Variants in CECR2 observed in about 807,000 individuals in gnomAD.
CECR2 encodes CECR2 histone acetyl-lysine reader, also known as chromatin remodeling regulator CECR2.
Under a neutral mutation model 154.5 loss-of-function variants are expected in CECR2, and 30 were observed. The observed-to-expected ratio is 0.19, with a 90% CI of 0.15 to 0.26. The LOEUF (loss-of-function observed/expected upper bound fraction) is 0.26. Ranked by LOEUF, CECR2 falls within the 10% of genes least tolerant of loss-of-function variation. The pLI, the probability that CECR2 is intolerant of heterozygous loss-of-function variation, is 1.00. For missense variants in CECR2, 1,743 were observed against 1,829.3 expected, an observed-to-expected ratio of 0.95 and a Z score of 0.86; for synonymous variants, 725 against 683.7, an observed-to-expected ratio of 1.06 and a Z score of -0.94.
chr22:17,483,461 TTAAAA>T (rs903478722), intron 2 of CECR2, among the ~76,000 whole-genome samples: 1 of 151,976 alleles, frequency 6.6e-6, no homozygotes, highest in African/African-American at 2.4e-5. Flanking sequence ...ACTAAAAAAA[TTAAAA>T]TAATTATCTG....
chr22:17,532,969 G>A (rs947183274), intron 9 of CECR2, among the ~76,000 whole-genome samples: 2 of 151,042 alleles, frequency 1.3e-5, no homozygotes, highest in African/African-American at 4.9e-5. Context: ...GATCCACTGC[G>A]CCTAGCCGCT....
At chr22:17,426,475 G>C (rs947260592) in intron 1 of CECR2, among the ~76,000 whole-genome samples, 1 of 152,060 alleles carries the variant, frequency 6.6e-6, no homozygotes, top group Non-Finnish European at 1.5e-5. Flanking sequence ...TCCTGCTTCA[G>C]CCTCCCAAGT....
At chr22:17,416,844 G>A (rs1479365958) in intron 1 of CECR2, among the ~76,000 whole-genome samples, 1 of 152,032 alleles carries the variant, frequency 6.6e-6, no homozygotes. Flanking sequence ...TTCCAATTTG[G>A]AACCTTAGAT....
chr22:17,545,422 C>T (rs1264548687), intron 16 of CECR2, among the ~76,000 whole-genome samples: 1 of 112,814 alleles, frequency 8.9e-6, no homozygotes, highest in Non-Finnish European at 1.9e-5. Context: ...GAGGAATAAA[C>T]ATTAAACTAG....
rs1212908408 is a variant in CECR2, at chr22:17,555,952, G to A, written c.*3112G>A. The stretch of plus-strand genomic sequence containing the variant: ...CCCTAAGGCCCAAGAGAAAAGATGA[G>A]CTTCTTGGGAGGATTCTGGGTTTGT... On this transcript the variant is annotated 3_prime_UTR_variant, in exon 19 of 19. Coordinates refer to ENST00000262608, the MANE Select transcript of CECR2 (RefSeq NM_001290047.2). 1 of 152,142 alleles carries A rather than the reference G, an allele frequency of 6.6e-6. No homozygotes were observed. The highest frequency in any genetic ancestry group is 1.9e-4 in the East Asian group (1 of 5,190). The allele number at this position is 152,142 out of a possible 1,614,324, so 9.4% of individuals were successfully genotyped here.
intron 1 of CECR2, among the ~76,000 whole-genome samples, chr22:17,452,339 G>C (rs1379586717): frequency 6.6e-6 from 1 of 152,226 alleles, no homozygotes; most frequent in East Asian, 1.9e-4. Context: ...CTCCCAAAGT[G>C]CTGGGATTAC....
At chr22:17,485,692 G>A (rs2055408811) in intron 2 of CECR2, among the ~76,000 whole-genome samples, 1 of 152,130 alleles carries the variant, frequency 6.6e-6, no homozygotes. Context: ...GAGAATCAGT[G>A]GAGCCCAGGA....
At chr22:17,419,628 T>C (rs189801799) in intron 1 of CECR2, 181 of 332,200 alleles carry the variant, frequency 5.4e-4, no homozygotes, top group African/African-American at 3.4e-3. Context: ...ATTATGATGA[T>C]TCCGCAGTTA....
chr22:17,531,051 C>T (rs2056347179), intron 9 of CECR2, among the ~76,000 whole-genome samples: 1 of 152,126 alleles, frequency 6.6e-6, no homozygotes, highest in African/African-American at 2.4e-5. Context: ...GGTGATATGT[C>T]TGGGTAACTA....
At chr22:17,430,704 C>T (rs576474193) in intron 1 of CECR2, among the ~76,000 whole-genome samples, 2 of 152,138 alleles carry the variant, frequency 1.3e-5, no homozygotes, top group Admixed American at 1.3e-4. Context: ...TTTGAAAACA[C>T]TCACTGGGGA....
intron 7 of CECR2, among the ~76,000 whole-genome samples, chr22:17,511,265 T>C (rs1407290368): frequency 6.6e-6 from 1 of 152,194 alleles, no homozygotes; most frequent in Non-Finnish European, 1.5e-5. Context: ...TCTTTGAAAT[T>C]TCCTATAAGG....
intron 18 of CECR2, 61 bp from the exon 19 acceptor site, chr22:17,552,774 G>GTGTTT: frequency 1.1e-6 from 1 of 933,470 alleles, no homozygotes; most frequent in Non-Finnish European, 1.5e-6. Context: ...GCTTACTTAA[G>GTGTTT]TTTTTTTTTT....
rs1203906778 is a variant in CECR2 at position 17,471,021 on chromosome 22, A to G, written c.127-6567A>G. ...GAGCTGTATTCCAAAGCAGCTCTGA[A>G]CATAAATTCTCTAATGACATCTCCC... On this transcript the variant is annotated intron_variant, in intron 1 of 18. Coordinates refer to ENST00000262608, the MANE Select transcript of CECR2 (RefSeq NM_001290047.2). Among the ~76,000 whole-genome samples the G allele has an allele frequency of 9.2e-5, 14 of 152,340 alleles. No individual in the cohort carries two copies. The East Asian group carries it at 2.5e-3, about 27-fold the overall frequency.
intron 5 of CECR2, 37 bp downstream of exon 5, chr22:17,500,772 G>A: frequency 7.4e-7 from 1 of 1,352,602 alleles, no homozygotes; most frequent in Non-Finnish European, 1.0e-6. Context: ...ATAGACCATG[G>A]CAGAAGGGAC....
intron 6 of CECR2, 110 bp downstream of exon 6, chr22:17,503,241 C>T (rs540498470): frequency 3.2e-6 from 3 of 931,216 alleles, no homozygotes; most frequent in Admixed American, 2.2e-5. Flanking sequence ...TTGCAATAGC[C>T]TTTTACCTAC....
chr22:17,461,912 A>G (rs2054944876), intron 1 of CECR2, among the ~76,000 whole-genome samples: 1 of 149,876 alleles, frequency 6.7e-6, no homozygotes, highest in Admixed American at 6.6e-5. Flanking sequence ...CCTCCCTCAG[A>G]CTCCTCAGCA....
At chr22:17,374,541 C>T (rs1164989097) in intron 1 of CECR2, among the ~76,000 whole-genome samples, 1 of 152,062 alleles carries the variant, frequency 6.6e-6, no homozygotes, top group Non-Finnish European at 1.5e-5. Context: ...TGGAAGCAGC[C>T]CCCAACCCAT....
chr22:17,544,631 C>G (rs542786890), intron 16 of CECR2, among the ~76,000 whole-genome samples: 1 of 150,634 alleles, frequency 6.6e-6, no homozygotes, highest in Non-Finnish European at 1.5e-5. Context: ...CCCAACATGG[C>G]AAAACCCCAT....
chr22:17,539,199 T>TTGGTAC, intron 13 of CECR2, 80 bp downstream of exon 13: 1 of 1,487,850 alleles, frequency 6.7e-7, no homozygotes, highest in South Asian at 1.2e-5. Context: ...ATACACATCC[T>TTGGTAC]AGTGCCTTTT....
Sources: allele counts gnomAD v4.1 joint callset (sites outside exome capture counted in the v4.1 genomes callset), GRCh38; gene constraint gnomAD v4.1.1; transcripts MANE v1.5; gene names NCBI Gene and HGNC (gene_info 2026-07-23, HGNC 2026-07-21).